Variants in KIF4A observed in about 807,000 individuals in gnomAD.
KIF4A encodes chromosome-associated kinesin KIF4A.
A neutral mutation model predicts 105.9 loss-of-function variants in KIF4A; 7 were observed. The observed-to-expected ratio is 0.07, with a 90% CI of 0.04 to 0.12. The LOEUF is 0.12. Among genes scored for constraint, KIF4A ranks in the 10% least tolerant of loss-of-function variants. The probability of loss-of-function intolerance (pLI) is 1.00; values close to 1 mark genes in which losing one functional copy is unlikely to be tolerated. For missense variants in KIF4A, 558 were observed against 929.2 expected (o/e 0.60, Z 5.19); for synonymous variants, 281 against 331.3 (o/e 0.85, Z 1.65).
chrX:70,370,086 A>G (rs1316319741), intron 15 of KIF4A, among the ~76,000 whole-genome samples: 1 of 111,594 alleles, frequency 9.0e-6, no homozygotes, highest in African/African-American at 3.3e-5. Context: ...CCTAGGAGCA[A>G]TAGGCTATAC....
rs753989464 is a variant in KIF4A, at chrX:70,417,976, C to A, written c.3344C>A (p.Thr1115Lys). Residue 1115 changes from threonine to lysine, a missense_variant, in exon 29 of 31, where the codon ACA (threonine) becomes AAA (lysine). Transcript: ENST00000374403. ...DCGVDCCCDPTKCRNRQQGKD... is the reference protein window; with the variant it reads ...DCGVDCCCDPKKCRNRQQGKD... ...GGTGTGGACTGTTGCTGTGACCCCACAAAGTGTCGGAACCGCCAGCAAGGC... is the reference window on the plus strand; with the variant it reads ...GGTGTGGACTGTTGCTGTGACCCCAAAAAGTGTCGGAACCGCCAGCAAGGC... 1.4e-4 allele frequency: 168 copies of A among 1,208,593 alleles called. No homozygotes were observed. Among genetic ancestry groups the A allele is most frequent in the Non-Finnish European group, 1.9e-4 (167 of 894,458 alleles).
intron 7 of KIF4A, among the ~76,000 whole-genome samples, chrX:70,326,927 A>G (rs1160639698): frequency 1.8e-5 from 2 of 112,112 alleles, no homozygotes; most frequent in Admixed American, 9.5e-5. Context: ...CCTTAAGTCT[A>G]TGGTTCTTGC....
intron 3 of KIF4A, among the ~76,000 whole-genome samples, chrX:70,293,479 C>T (rs1200498639): frequency 1.8e-5 from 2 of 111,968 alleles, no homozygotes; most frequent in Non-Finnish European, 3.8e-5. Flanking sequence ...TACTACTGTA[C>T]AATTAAGTAG....
chrX:70,378,743 T>C (rs2086185161), intron 18 of KIF4A, among the ~76,000 whole-genome samples: 1 of 102,846 alleles, frequency 9.7e-6, no homozygotes, highest in Admixed American at 1.1e-4. Flanking sequence ...AAAAAAGGAT[T>C]AAAGTAGAAA....
At chrX:70,404,545 T>C (rs2086293529) in intron 24 of KIF4A, among the ~76,000 whole-genome samples, 170 bp from the exon 25 acceptor site, 1 of 110,634 alleles carries the variant, frequency 9.0e-6, no homozygotes, top group Admixed American at 9.6e-5. Context: ...AAAACTATGC[T>C]GAGAAACATC....
At chrX:70,336,552 T>C (rs1442831462) in intron 10 of KIF4A, among the ~76,000 whole-genome samples, 1 of 111,649 alleles carries the variant, frequency 9.0e-6, no homozygotes, top group Non-Finnish European at 1.9e-5. Context: ...TTTGGCAGTC[T>C]GATAGGTGAG....
chrX:70,290,251 T>C (rs2085752527), intron 1 of KIF4A, 101 bp downstream of exon 1: 2 of 416,846 alleles, frequency 4.8e-6, no homozygotes, highest in South Asian at 1.2e-4. Context: ...TTTCTTTGCC[T>C]TTCAGAAGCC....
chrX:70,304,605 T>G (rs746747233), intron 7 of KIF4A, among the ~76,000 whole-genome samples: 2 of 109,502 alleles, frequency 1.8e-5, no homozygotes, highest in African/African-American at 6.6e-5. Flanking sequence ...AGCCTAAGAT[T>G]TTCAAGGTTC....
intron 15 of KIF4A, among the ~76,000 whole-genome samples, chrX:70,355,893 T>C (rs937435808): frequency 8.9e-6 from 1 of 112,268 alleles, no homozygotes; most frequent in Non-Finnish European, 1.9e-5. Flanking sequence ...GTGTTTCTGC[T>C]AATTAATTTT....
chrX:70,330,016 C>A, intron 8 of KIF4A, 141 bp from the exon 9 acceptor site: 1 of 449,034 alleles, frequency 2.2e-6, no homozygotes. Flanking sequence ...TATACATTTC[C>A]TATTATTTCA....
chrX:70,371,687 C>T (rs1335466440), intron 15 of KIF4A, among the ~76,000 whole-genome samples: 2 of 107,283 alleles, frequency 1.9e-5, no homozygotes, highest in Non-Finnish European at 3.9e-5. Context: ...GACGGGACGG[C>T]TGGCCGGGCG....
At chrX:70,344,777 G>C (rs979544710) in intron 13 of KIF4A, among the ~76,000 whole-genome samples, 1 of 111,737 alleles carries the variant, frequency 8.9e-6, no homozygotes, top group Non-Finnish European at 1.9e-5. Flanking sequence ...TGAGACTGTA[G>C]TCCCTGGTCT....
intron 10 of KIF4A, among the ~76,000 whole-genome samples, chrX:70,338,523 C>T (rs893314897): frequency 1.8e-5 from 2 of 111,707 alleles, no homozygotes; most frequent in Non-Finnish European, 3.8e-5. Flanking sequence ...CTAGATAGGC[C>T]GTATTTGTCC....
intron 15 of KIF4A, chrX:70,362,284 T>C: frequency 1.1e-5 from 4 of 351,986 alleles, no homozygotes; most frequent in Non-Finnish European, 2.2e-5. Flanking sequence ...GTGTGCACCA[T>C]GTACTGGAAA....
At chrX:70,339,227 AATT>A (rs1178968648) in intron 10 of KIF4A, among the ~76,000 whole-genome samples, 2 of 111,448 alleles carry the variant, frequency 1.8e-5, no homozygotes, top group African/African-American at 3.3e-5. Context: ...TTTTGTTTTC[AATT>A]ATTCATTTTT....
chrX:70,337,188 A>G (rs753200711), intron 10 of KIF4A, among the ~76,000 whole-genome samples: 2 of 111,752 alleles, frequency 1.8e-5, no homozygotes, highest in Non-Finnish European at 3.8e-5. Context: ...TGATGCTGCT[A>G]TAAGCATGGG....
intron 7 of KIF4A, among the ~76,000 whole-genome samples, chrX:70,306,072 T>A (rs1343247799): frequency 2.7e-5 from 3 of 112,144 alleles, no homozygotes; most frequent in Non-Finnish European, 5.6e-5. Flanking sequence ...TTTGAGTTAA[T>A]TTTTGCATAT....
intron 15 of KIF4A, among the ~76,000 whole-genome samples, chrX:70,367,602 A>G (rs1308504985): frequency 8.9e-6 from 1 of 111,790 alleles, no homozygotes; most frequent in Admixed American, 9.5e-5. Flanking sequence ...GGCTTGTAGA[A>G]TTTCTGCCAA....
chrX:70,374,342 C>T (rs1263489805), intron 16 of KIF4A, 88 bp downstream of exon 16: 6 of 541,379 alleles, frequency 1.1e-5, no homozygotes, highest in Non-Finnish European at 1.8e-5. Context: ...GTCCCATTTA[C>T]TGCCCCTAAA....
Sources: gnomAD v4.1 joint callset for allele counts (sites outside exome capture counted in the v4.1 genomes callset) on GRCh38, gnomAD v4.1.1 for gene constraint, MANE v1.5 for transcripts, NCBI Gene and HGNC (gene_info 2026-07-23, HGNC 2026-07-21) for gene names.